The following GRIA1 variants were observed in gnomAD, a reference collection of about 807,000 sequenced individuals.
GRIA1 encodes glutamate ionotropic receptor AMPA type subunit 1.
Under a neutral mutation model 99.2 loss-of-function variants are expected in GRIA1, and 31 were observed. The ratio of observed to expected loss-of-function variants is 0.31; its 90% CI spans 0.23 to 0.42. The LOEUF (loss-of-function observed/expected upper bound fraction) is 0.42, where lower values mean the gene tolerates loss of function less well. Among genes scored for constraint, GRIA1 ranks in the 10% least tolerant of loss-of-function variants. The pLI, the probability that GRIA1 is intolerant of heterozygous loss-of-function variation, is 1.00. For missense variants in GRIA1, 782 were observed against 1,157.5 expected (o/e 0.68, Z 4.71); for synonymous variants, 438 against 432.4 (o/e 1.01, Z -0.16).
intron 14 of GRIA1, among the ~76,000 whole-genome samples, chr5:153,801,628 T>A (rs908204681): frequency 6.6e-6 from 1 of 152,220 alleles, no homozygotes; most frequent in Non-Finnish European, 1.5e-5. Flanking sequence ...CTGCCTCCAG[T>A]GTTTTTAGCA....
chr5:153,572,746 C>T (rs1010825978), intron 2 of GRIA1, among the ~76,000 whole-genome samples: 2 of 152,128 alleles, frequency 1.3e-5, no homozygotes, highest in Admixed American at 6.5e-5. Flanking sequence ...GGGACGACTA[C>T]GCGGTGAAGG....
At chr5:153,566,304 C>CTTTTTT (rs55872840) in intron 2 of GRIA1, among the ~76,000 whole-genome samples, 1,073 of 36,538 alleles carry the variant, frequency 0.029, 332 homozygotes, top group Non-Finnish European at 0.05. Flanking sequence ...AATTCCCTGC[C>CTTTTTT]TTTTTTTTTT....
At chr5:153,785,975 T>C (rs1053854809) in intron 13 of GRIA1, among the ~76,000 whole-genome samples, 1 of 152,206 alleles carries the variant, frequency 6.6e-6, no homozygotes, top group Admixed American at 6.5e-5. Flanking sequence ...ACCTCAAGTT[T>C]CCATGTGAGT....
At chr5:153,572,641 C>A (rs1212344743) in intron 2 of GRIA1, among the ~76,000 whole-genome samples, 8 of 152,158 alleles carry the variant, frequency 5.3e-5, no homozygotes, top group Non-Finnish European at 2.9e-5. Context: ...TTCTTCCTGG[C>A]TGGAAATGCC....
intron 10 of GRIA1, among the ~76,000 whole-genome samples, chr5:153,703,702 C>A (rs912311246): frequency 2.6e-5 from 4 of 152,192 alleles, no homozygotes; most frequent in African/African-American, 9.7e-5. Flanking sequence ...CACACCACTG[C>A]ACTCCAACCT....
intron 2 of GRIA1, among the ~76,000 whole-genome samples, chr5:153,617,365 G>A (rs1434048103): frequency 1.3e-5 from 2 of 152,188 alleles, no homozygotes; most frequent in Non-Finnish European, 2.9e-5. Flanking sequence ...TTGTTTTCAG[G>A]AAGTAGATGA....
At chr5:153,575,841 CA>C (rs1762485696) in intron 2 of GRIA1, among the ~76,000 whole-genome samples, 1 of 152,158 alleles carries the variant, frequency 6.6e-6, no homozygotes, top group Non-Finnish European at 1.5e-5. Flanking sequence ...ATCACCAGCC[CA>C]CCAGGCTGGC....
chr5:153,600,065 A>G (rs1020729016), intron 2 of GRIA1, among the ~76,000 whole-genome samples: 18 of 152,198 alleles, frequency 1.2e-4, no homozygotes, highest in African/African-American at 4.3e-4. Flanking sequence ...GAGAGTCTAC[A>G]GTGAGAGCCA....
At chr5:153,630,029 G>A (rs576385804) in intron 2 of GRIA1, among the ~76,000 whole-genome samples, 3 of 152,262 alleles carry the variant, frequency 2.0e-5, no homozygotes, top group Admixed American at 2.0e-4. Context: ...CAGACATACA[G>A]GGGTTTGAAT....
intron 11 of GRIA1, among the ~76,000 whole-genome samples, chr5:153,754,517 G>A (rs543973215): frequency 6.6e-6 from 1 of 152,338 alleles, no homozygotes; most frequent in South Asian, 2.1e-4. Context: ...GGAAGAAGGA[G>A]TCTTAGGTGT....
chr5:153,730,917 A>C (rs1760965676), intron 11 of GRIA1, among the ~76,000 whole-genome samples: 1 of 152,084 alleles, frequency 6.6e-6, no homozygotes, highest in Admixed American at 6.6e-5. Context: ...CCTAGCTTTA[A>C]TCATTTGAGG....
chr5:153,513,801 A>G (rs1370252004), intron 2 of GRIA1, among the ~76,000 whole-genome samples: 1 of 150,166 alleles, frequency 6.7e-6, no homozygotes, highest in Non-Finnish European at 1.5e-5. Flanking sequence ...ACACCTGTGC[A>G]ACCTGAGGCA....
chr5:153,648,278 G>A (rs11741942), intron 3 of GRIA1, among the ~76,000 whole-genome samples: 11,314 of 152,180 alleles, frequency 0.074, 546 homozygotes, highest in Non-Finnish European at 0.11. Context: ...CTCAGACTGT[G>A]ACTATTGCAG....
chr5:153,513,965 A>G (rs75900349), intron 2 of GRIA1, among the ~76,000 whole-genome samples: 44 of 152,292 alleles, frequency 2.9e-4, no homozygotes, highest in African/African-American at 1.0e-3. Flanking sequence ...TATTACCTCT[A>G]TTTTGGTTCA....
chr5:153,572,869 A>G (rs1307160911), intron 2 of GRIA1, among the ~76,000 whole-genome samples: 1 of 152,150 alleles, frequency 6.6e-6, no homozygotes, highest in African/African-American at 2.4e-5. Flanking sequence ...AGCGCATTCT[A>G]TTGTGGCGTT....
At chr5:153,724,004 G>A (rs921160698) in intron 11 of GRIA1, among the ~76,000 whole-genome samples, 6 of 152,188 alleles carry the variant, frequency 3.9e-5, no homozygotes, top group African/African-American at 1.2e-4. Context: ...CCCAGTAGGG[G>A]CAGGCTGATA....
intron 11 of GRIA1, among the ~76,000 whole-genome samples, chr5:153,712,296 C>T (rs1314347482): frequency 6.6e-6 from 1 of 152,136 alleles, no homozygotes; most frequent in African/African-American, 2.4e-5. Context: ...GCGATCTGCC[C>T]ACCTCAGACT....
chr5:153,636,294 T>A (rs1254367212), intron 2 of GRIA1, among the ~76,000 whole-genome samples: 6 of 152,198 alleles, frequency 3.9e-5, no homozygotes, highest in Admixed American at 3.9e-4. Context: ...AATTGTATAA[T>A]GCACTCTAAG....
chr5:153,765,771 C>G (rs1160685916), intron 12 of GRIA1, among the ~76,000 whole-genome samples: 2 of 152,204 alleles, frequency 1.3e-5, no homozygotes, highest in African/African-American at 4.8e-5. Context: ...AGGTCCTGTG[C>G]TAAGCACACC....
Sources: allele counts gnomAD v4.1 joint callset (sites outside exome capture counted in the v4.1 genomes callset), GRCh38; gene constraint gnomAD v4.1.1; transcripts MANE v1.5; gene names NCBI Gene and HGNC (gene_info 2026-07-23, HGNC 2026-07-21).